Variants in PPFIBP2 observed in about 807,000 individuals in gnomAD.
PPFIBP2 encodes the protein liprin-beta-2.
A neutral mutation model predicts 118.3 loss-of-function variants in PPFIBP2; 118 were observed. That is an observed-to-expected ratio of 1.00 (90% confidence interval 0.86 to 1.16). The LOEUF (loss-of-function observed/expected upper bound fraction) is 1.16, where lower values mean the gene tolerates loss of function less well. PPFIBP2 is among the 50% of genes most tolerant of loss of function. PPFIBP2 has a pLI of 0.00. For missense variants in PPFIBP2, 1,195 were observed against 1,073.1 expected, an observed-to-expected ratio of 1.11 and a Z score of -1.59; for synonymous variants, 414 against 397.4, an observed-to-expected ratio of 1.04 and a Z score of -0.50.
chr11:7,641,829 T>C (rs1852241063), intron 16 of PPFIBP2: 1 of 588,100 alleles, frequency 1.7e-6, no homozygotes, highest in Admixed American at 3.1e-5. Flanking sequence ...CAGTTGCCTT[T>C]CATGTCATGC....
chr11:7,589,943 T>G (rs4367937), intron 3 of PPFIBP2, among the ~76,000 whole-genome samples: 57,090 of 152,126 alleles, frequency 0.38, 10,738 homozygotes, highest in East Asian at 0.41. Context: ...TTTAAAATAT[T>G]TTTCTCAATA....
chr11:7,617,765 T>C lies in PPFIBP2; in HGVS notation c.619-3170T>C, dbSNP rs529882208. Among the ~76,000 whole-genome samples, 3 of 152,140 alleles carry C rather than the reference T, an allele frequency of 2.0e-5. No individual in the cohort carries two copies. In the East Asian group the frequency reaches 5.8e-4, roughly 29 times the overall value. Reference sequence around the variant, plus strand: ...AAGAGGTTTACCCCCAGTGAAAAAATAAAATACAAGTTTTCATATGCTGTG... The same window carrying C: ...AAGAGGTTTACCCCCAGTGAAAAAACAAAATACAAGTTTTCATATGCTGTG... On this transcript the variant is annotated intron_variant, in intron 6 of 23. Transcript: ENST00000299492.
intron 1 of PPFIBP2, among the ~76,000 whole-genome samples, chr11:7,520,318 G>A (rs7483322): frequency 0.59 from 89,137 of 151,690 alleles, 26,540 homozygotes; most frequent in African/African-American, 0.64. Flanking sequence ...CGTGTCTTCC[G>A]GTTGGGGTGG....
At chr11:7,628,529 A>G (rs1000511082) in intron 9 of PPFIBP2, among the ~76,000 whole-genome samples, 183 bp downstream of exon 9, 9 of 152,200 alleles carry the variant, frequency 5.9e-5, no homozygotes, top group Non-Finnish European at 1.2e-4. Context: ...TTTGGCTTTG[A>G]TAACTGGAAA....
chr11:7,641,871 G>T, intron 16 of PPFIBP2: 1 of 522,792 alleles, frequency 1.9e-6, no homozygotes, highest in Admixed American at 3.4e-5. Flanking sequence ...CACACACCCT[G>T]AACATAATCT....
At chr11:7,517,934 G>T (rs1037682361) in intron 1 of PPFIBP2, among the ~76,000 whole-genome samples, 1 of 152,204 alleles carries the variant, frequency 6.6e-6, no homozygotes, top group Non-Finnish European at 1.5e-5. Context: ...GGGGTCCTCC[G>T]CAGAGGGGGC....
intron 8 of PPFIBP2, among the ~76,000 whole-genome samples, chr11:7,627,077 C>G (rs1218025409): frequency 6.6e-6 from 1 of 152,232 alleles, no homozygotes; most frequent in East Asian, 1.9e-4. Flanking sequence ...CATGCCACAA[C>G]TTCTAGGCCA....
intron 3 of PPFIBP2, among the ~76,000 whole-genome samples, chr11:7,570,931 C>A (rs1165112908): frequency 6.6e-6 from 1 of 152,214 alleles, no homozygotes; most frequent in African/African-American, 2.4e-5. Context: ...ATGGAGTGGT[C>A]TCTTTGTAAG....
At chr11:7,541,276 G>A (rs181142077) in intron 1 of PPFIBP2, among the ~76,000 whole-genome samples, 45 of 152,352 alleles carry the variant, frequency 3.0e-4, no homozygotes, top group Middle Eastern at 6.8e-3. Context: ...CCACGAGATA[G>A]GTGAATCTTC....
chr11:7,663,847 A>C, the PPFIBP2 span, among the ~76,000 whole-genome samples: 46,019 of 151,982 alleles, frequency 0.3, 8,406 homozygotes, highest in Non-Finnish European at 0.41. Context: ...ATATAATCTC[A>C]TGGTGCGCCG....
chr11:7,532,350 A>C (rs1364978406), intron 1 of PPFIBP2, among the ~76,000 whole-genome samples: 1 of 152,188 alleles, frequency 6.6e-6, no homozygotes, highest in Non-Finnish European at 1.5e-5. Flanking sequence ...TAGGACTTCA[A>C]CATAAGAATT....
intron 2 of PPFIBP2, among the ~76,000 whole-genome samples, chr11:7,556,283 G>T (rs544078129): frequency 6.6e-6 from 1 of 152,030 alleles, no homozygotes; most frequent in African/African-American, 2.4e-5. Flanking sequence ...GTGAAACCCC[G>T]TCTCTACTAA....
At chr11:7,536,286 G>A (rs573687442) in intron 1 of PPFIBP2, among the ~76,000 whole-genome samples, 14 of 152,236 alleles carry the variant, frequency 9.2e-5, no homozygotes, top group Admixed American at 7.2e-4. Context: ...AGCATGGCAC[G>A]GGTGCACACG....
At chr11:7,663,763 A>G in the PPFIBP2 span, among the ~76,000 whole-genome samples, 1 of 152,100 alleles carries the variant, frequency 6.6e-6, no homozygotes, top group Non-Finnish European at 1.5e-5. Context: ...GCTGCCTTGC[A>G]GTTTGATCTC....
rs561162171 is a variant in PPFIBP2, at chr11:7,581,233, A to C, written c.280-11899A>C. Among the ~76,000 whole-genome samples, 6 of 152,330 alleles carry C rather than the reference A, an allele frequency of 3.9e-5. No individual in the cohort carries two copies. In the East Asian group the frequency reaches 1.2e-3, roughly 29 times the overall value. On this transcript the variant is annotated intron_variant, in intron 3 of 23. Transcript: ENST00000299492. ...ACCTGTTCTACATTGAGTCCAGTGG[A>C]TCCAACCCACACAACCATGAACACA...
At chr11:7,651,147 G>A in intron 22 of PPFIBP2, 182 bp downstream of exon 22, 2 of 594,908 alleles carry the variant, frequency 3.4e-6, no homozygotes, top group Non-Finnish European at 2.7e-6. Flanking sequence ...TATACCTCAT[G>A]GAAGCAAGAT....
intron 2 of PPFIBP2, among the ~76,000 whole-genome samples, chr11:7,564,374 ACT>A (rs1228228724): frequency 1.3e-5 from 2 of 151,970 alleles, no homozygotes; most frequent in South Asian, 2.1e-4. Flanking sequence ...TGTAATATGG[ACT>A]CTCTCTCAGA....
chr11:7,632,741 A>G (rs1850938417), intron 11 of PPFIBP2, 126 bp from the exon 12 acceptor site: 1 of 701,002 alleles, frequency 1.4e-6, no homozygotes, highest in Non-Finnish European at 2.5e-6. Context: ...ATAATGATGT[A>G]TCCACCATGG....
At chr11:7,659,954 G>C (rs1233212665), downstream of PPFIBP2, among the ~76,000 whole-genome samples, 2 of 124,158 alleles carry the variant, frequency 1.6e-5, no homozygotes, top group African/African-American at 5.2e-5. Context: ...CTGTTTGTCT[G>C]TTGTTGGTAT....
Sources: gnomAD v4.1 joint callset for allele counts (sites outside exome capture counted in the v4.1 genomes callset) on GRCh38, gnomAD v4.1.1 for gene constraint, MANE v1.5 for transcripts, NCBI Gene and HGNC (gene_info 2026-07-23, HGNC 2026-07-21) for gene names.